Variants in GPR180 observed in about 807,000 individuals in gnomAD.
GPR180 encodes the protein G protein-coupled receptor 180.
GPR180 carries 53 observed loss-of-function variants against 52.6 expected under a neutral mutation model. The ratio of observed to expected loss-of-function variants is 1.01; its 90% CI spans 0.81 to 1.27. The LOEUF (loss-of-function observed/expected upper bound fraction) is 1.27, where lower values mean the gene tolerates loss of function less well. Ranked by LOEUF, GPR180 falls within the 50% of genes most tolerant of loss-of-function variation. The probability of loss-of-function intolerance (pLI) is 0.00; values close to 1 mark genes in which losing one functional copy is unlikely to be tolerated. For missense variants in GPR180, 533 were observed against 527.0 expected (o/e 1.01, Z -0.11); for synonymous variants, 200 against 193.1 (o/e 1.04, Z -0.30).
chr13:94,623,626 G>T (rs541459287), intron 7 of GPR180, among the ~76,000 whole-genome samples: 60 of 150,812 alleles, frequency 4.0e-4, no homozygotes, highest in Admixed American at 2.5e-3. Flanking sequence ...GCTTCAGTGA[G>T]CCAAGATTGG....
Position 94,605,428 on chromosome 13 carries a change from A to G in GPR180, c.183A>G (p.Ile61Met). The G allele has an allele frequency of 6.2e-7, 1 of 1,614,132 alleles. No individual in the cohort carries two copies. Among genetic ancestry groups the G allele is most frequent in the Non-Finnish European group, 8.5e-7 (1 of 1,179,980 alleles). ...HALLCVRINN[I>M]AVAVGKEAKL... Reference sequence around the variant, plus strand: ...TTCTGTGTGTCAGAATCAACAACATAGCAGTAGCTGTTGGAAAAGAAGCTA... The same window carrying G: ...TTCTGTGTGTCAGAATCAACAACATGGCAGTAGCTGTTGGAAAAGAAGCTA... The change falls in exon 2 of 9, where the codon ATA becomes ATG. Residue 61 changes from isoleucine to methionine, a missense_variant. Coordinates refer to ENST00000376958, the MANE Select transcript of GPR180 (RefSeq NM_180989.6).
Position 94,633,723 on chromosome 13 carries a change from AT to A in GPR180, c.*6559del, listed in dbSNP as rs1890029445. 1 of 143,474 alleles carries A rather than the reference AT, an allele frequency of 7.0e-6. No individual in the cohort carries two copies. 8.9% of individuals were successfully genotyped at this position (143,474 alleles called of 1,614,324 possible). A position where few individuals can be genotyped will look rare whatever the true frequency, so the allele number is the denominator to read the frequency against. On this transcript the variant is annotated 3_prime_UTR_variant, in exon 9 of 9. Transcript: ENST00000376958. ...ATGCAGGTGGAATTATCAGTCTTTC[AT>A]TTTTTTCTTCTGTGTTCTACCTGTT...
intron 7 of GPR180, among the ~76,000 whole-genome samples, chr13:94,625,596 C>T (rs1889918625): frequency 6.6e-6 from 1 of 152,080 alleles, no homozygotes; most frequent in Admixed American, 6.5e-5. Flanking sequence ...TACAGGATTT[C>T]TTTGTGTATC....
intron 2 of GPR180, among the ~76,000 whole-genome samples, chr13:94,605,762 GGA>G (rs1889622412): frequency 6.6e-6 from 1 of 151,936 alleles, no homozygotes; most frequent in Non-Finnish European, 1.5e-5. Flanking sequence ...AATTTATATA[GGA>G]GTCCTTTCTT....
At chr13:94,620,744 A>G (rs1425614838) in intron 5 of GPR180, among the ~76,000 whole-genome samples, 1 of 152,210 alleles carries the variant, frequency 6.6e-6, no homozygotes, top group African/African-American at 2.4e-5. Context: ...TATAGAGAAC[A>G]GGATTATGTA....
In GPR180 at chr13:94,628,838, T is replaced by A. The variant is rs764885745; in HGVS notation, c.*1667T>A. 2.0e-5 allele frequency: 3 copies of A among 152,018 alleles called. No homozygotes were observed. Among genetic ancestry groups the A allele is most frequent in the Non-Finnish European group, 4.4e-5 (3 of 67,920 alleles). 9.4% of individuals were successfully genotyped at this position (152,018 alleles called of 1,614,324 possible). On this transcript the variant is annotated 3_prime_UTR_variant, in exon 9 of 9. Transcript: ENST00000376958. ...CCAGCTATTGTCTGTTGTGTTCAGC[T>A]GAGATGCAAAAAAGAAATTAAGCAA...
At position 94,612,203 on chromosome 13, in the gene GPR180, G is replaced by T; in HGVS notation, c.318G>T (p.Gln106His). Residue 106 changes from glutamine to histidine, a missense_variant, in exon 3 of 9, where the codon CAG (glutamine) becomes CAT (histidine). Transcript: ENST00000376958. ...SKAQLTMTMNQTEHNLTVSQI... is the reference protein window; with the variant it reads ...SKAQLTMTMNHTEHNLTVSQI... ...TTCTCTTTAAAGTGACCATGAACCAGACCGAACATAATCTGACAGTGTCCC... is the reference window on the plus strand; with the variant it reads ...TTCTCTTTAAAGTGACCATGAACCATACCGAACATAATCTGACAGTGTCCC... 6.2e-7 allele frequency: 1 copy of T among 1,614,006 alleles called. No individual in the cohort carries two copies. The highest frequency in any genetic ancestry group is 1.1e-5 in the South Asian group (1 of 91,040).
intron 2 of GPR180, among the ~76,000 whole-genome samples, chr13:94,606,608 T>C (rs992633023): frequency 1.3e-5 from 2 of 152,230 alleles, no homozygotes; most frequent in African/African-American, 4.8e-5. Flanking sequence ...TTTCCTCTTA[T>C]TATTCAGGGA....
rs1035911035 is a variant in GPR180, at chr13:94,627,126, A to G, written c.1278A>G (p.Leu426=). The G allele has an allele frequency of 2.5e-6, 4 of 1,612,934 alleles. No homozygotes were observed. Among genetic ancestry groups the G allele is most frequent in the African/African-American group, 2.7e-5 (2 of 74,862 alleles). Residue 426 remains leucine (L), a synonymous_variant, in exon 9 of 9, where the codon CTA becomes CTG. Transcript: ENST00000376958. Reference sequence around the variant, plus strand: ...TTTCTTCACTTTCTTCAGTAACACTACCACTGACCATATCATCTGGACACA... The same window carrying G: ...TTTCTTCACTTTCTTCAGTAACACTGCCACTGACCATATCATCTGGACACA... ...WEVSSLSSVT[L]PLTISSGHKS...
At chr13:94,624,170 G>T (rs1410483637) in intron 7 of GPR180, among the ~76,000 whole-genome samples, 2 of 152,136 alleles carry the variant, frequency 1.3e-5, no homozygotes, top group African/African-American at 4.8e-5. Context: ...TACAGGAGAA[G>T]GGTTAGAGCA....
chr13:94,609,753 T>G (rs934434168), intron 2 of GPR180, among the ~76,000 whole-genome samples: 7 of 144,488 alleles, frequency 4.8e-5, no homozygotes, highest in African/African-American at 1.5e-4. Flanking sequence ...TGTATGTGTG[T>G]TTTTTTTTTT....
rs1889999215 is a variant in GPR180, at chr13:94,631,593, G to A, written c.*4422G>A. 6.8e-6 allele frequency: 1 copy of A among 146,992 alleles called. No homozygotes were observed. Among genetic ancestry groups the A allele is most frequent in the African/African-American group, 2.5e-5 (1 of 39,450 alleles). 9.1% of individuals were successfully genotyped at this position (146,992 alleles called of 1,614,324 possible). On this transcript the variant is annotated 3_prime_UTR_variant, in exon 9 of 9. Coordinates refer to ENST00000376958, the MANE Select transcript of GPR180 (RefSeq NM_180989.6). ...TTGTCTCTATTGTTCATTGCTGTAT[G>A]CCTAATACTAGGACACTCCCTGGTG... is the stretch of plus-strand genomic sequence containing the variant.
intron 1 of GPR180, 43 bp from the exon 2 acceptor site, chr13:94,605,348 A>T: frequency 1.2e-6 from 2 of 1,603,380 alleles, no homozygotes; most frequent in Non-Finnish European, 1.7e-6. Flanking sequence ...TCTCAGTTTC[A>T]TGTAAGACCA....
At chr13:94,608,272 T>C (rs1889659055) in intron 2 of GPR180, among the ~76,000 whole-genome samples, 1 of 152,204 alleles carries the variant, frequency 6.6e-6, no homozygotes, top group Non-Finnish European at 1.5e-5. Context: ...GTCCCTAAGG[T>C]TCATGATAGT....
chr13:94,610,176 G>C (rs1490718343), intron 2 of GPR180, among the ~76,000 whole-genome samples: 3 of 152,150 alleles, frequency 2.0e-5, no homozygotes, highest in Admixed American at 2.0e-4. Flanking sequence ...TCTTCTAAGA[G>C]TAAAGAAATT....
At chr13:94,623,963 A>C (rs2138569058) in intron 7 of GPR180, among the ~76,000 whole-genome samples, 1 of 152,196 alleles carries the variant, frequency 6.6e-6, no homozygotes, top group Admixed American at 6.5e-5. Context: ...TTGACTATAA[A>C]CTGTTATTCT....
intron 7 of GPR180, among the ~76,000 whole-genome samples, chr13:94,624,501 GT>G (rs1188920008): frequency 1.3e-5 from 2 of 152,150 alleles, no homozygotes; most frequent in African/African-American, 2.4e-5. Flanking sequence ...AGTGCTTATT[GT>G]TTGATAAGTT....
intron 1 of GPR180, among the ~76,000 whole-genome samples, chr13:94,602,828 T>G (rs1594469267): frequency 3.3e-5 from 5 of 152,240 alleles, no homozygotes; most frequent in Admixed American, 2.6e-4. Context: ...ATTTGCACTC[T>G]CACAATTTAA....
At chr13:94,610,460 C>T (rs1375745257) in intron 2 of GPR180, among the ~76,000 whole-genome samples, 1 of 152,050 alleles carries the variant, frequency 6.6e-6, no homozygotes, top group East Asian at 1.9e-4. Context: ...TTTCATTTGC[C>T]CCTCACAAGA....
Sources: gnomAD v4.1 joint callset for allele counts (sites outside exome capture counted in the v4.1 genomes callset) on GRCh38, gnomAD v4.1.1 for gene constraint, MANE v1.5 for transcripts, NCBI Gene and HGNC (gene_info 2026-07-23, HGNC 2026-07-21) for gene names.